The following ADAM29 variants were observed in gnomAD, a reference collection of about 807,000 sequenced individuals.
The protein encoded by ADAM29 is ADAM metallopeptidase domain 29.
For missense variants in ADAM29, 969 were observed against 1,001.8 expected, an observed-to-expected ratio of 0.97 and a Z score of 0.44; for synonymous variants, 367 against 342.3, an observed-to-expected ratio of 1.07 and a Z score of -0.80.
At chr4:174,944,314 G>A (rs1038323303) in intron 4 of ADAM29, among the ~76,000 whole-genome samples, 1 of 151,984 alleles carries the variant, frequency 6.6e-6, no homozygotes, top group African/African-American at 2.4e-5. Context: ...ATCCGAGTAG[G>A]AAGAAAGGAA....
intron 2 of ADAM29, among the ~76,000 whole-genome samples, chr4:174,925,009 T>C (rs1743418865): frequency 6.6e-6 from 1 of 152,192 alleles, no homozygotes; most frequent in South Asian, 2.1e-4. Context: ...CTTTGTGGCC[T>C]TCCAAATATG....
Position 174,961,119 on chromosome 4 carries a change from TA to T in ADAM29, c.-180-14222del, listed in dbSNP as rs538158685. 1.3e-4 allele frequency among the ~76,000 whole-genome samples: 20 copies of T among 152,208 alleles called. 1 individual carries two copies. The East Asian group carries it at 3.7e-3, about 28-fold the overall frequency. On this transcript the variant is annotated intron_variant, in intron 4 of 4. Coordinates refer to ENST00000359240, the MANE Select transcript of ADAM29 (RefSeq NM_014269.4). ...ATGAGGTGTTTCCTGATTCCAGAAT[TA>T]AAAATAAAAAATAATTATATCTTTA... is the stretch of plus-strand genomic sequence containing the variant.
intron 2 of ADAM29, among the ~76,000 whole-genome samples, chr4:174,929,471 T>A (rs1236092717): frequency 1.3e-5 from 2 of 151,424 alleles, no homozygotes; most frequent in African/African-American, 4.9e-5. Context: ...GTGAAAAAAA[T>A]GGAAAAGGGG....
At chr4:174,929,213 T>C (rs1227326233) in intron 2 of ADAM29, among the ~76,000 whole-genome samples, 1 of 152,230 alleles carries the variant, frequency 6.6e-6, no homozygotes, top group African/African-American at 2.4e-5. Context: ...TTACCTCTTC[T>C]GTGAGGTACA....
intron 4 of ADAM29, among the ~76,000 whole-genome samples, chr4:174,943,865 A>G (rs1464957666): frequency 1.3e-5 from 2 of 151,944 alleles, no homozygotes; most frequent in Non-Finnish European, 2.9e-5. Flanking sequence ...TAATAGTTTT[A>G]TTATAATAAT....
chr4:174,952,664 G>C (rs1371393641), intron 4 of ADAM29, among the ~76,000 whole-genome samples: 2 of 152,086 alleles, frequency 1.3e-5, no homozygotes, highest in Non-Finnish European at 2.9e-5. Flanking sequence ...AAAATGATGA[G>C]AATATGTAAA....
Position 174,977,970 on chromosome 4 carries a change from T to C in ADAM29, c.2445T>C (p.Pro815=), listed in dbSNP as rs1747005641. The C allele has an allele frequency of 1.9e-6, 3 of 1,593,206 alleles. No homozygotes were observed. The South Asian group carries it at 3.4e-5, about 18-fold the overall frequency. The stretch of plus-strand genomic sequence containing the variant: ...AGTTGATGCCTTCCCAGAGTCAACC[T>C]CCTGTGACGCCCTCCTAGAGCCAAC... ...QPQLMPSQSQ[P]PVTPS The change falls in exon 5 of 5, where the codon CCT becomes CCC. Residue 815 remains proline, a synonymous_variant. Coordinates refer to ENST00000359240, the MANE Select transcript of ADAM29 (RefSeq NM_014269.4).
At chr4:174,930,620 T>C (rs182638968) in intron 2 of ADAM29, among the ~76,000 whole-genome samples, 17 of 152,320 alleles carry the variant, frequency 1.1e-4, no homozygotes, top group Admixed American at 1.0e-3. Flanking sequence ...TAACTATGTC[T>C]TTTTTCCTTC....
intron 4 of ADAM29, among the ~76,000 whole-genome samples, chr4:174,957,972 T>G (rs996506686): frequency 3.3e-5 from 5 of 151,842 alleles, no homozygotes; most frequent in Admixed American, 1.3e-4. Flanking sequence ...TTCTGAGTAT[T>G]TGGAGATTTT....
chr4:174,926,721 CAAA>C (rs34308315), intron 2 of ADAM29, among the ~76,000 whole-genome samples: 4 of 107,608 alleles, frequency 3.7e-5, no homozygotes, highest in African/African-American at 3.1e-5. Context: ...AGACCATGTC[CAAA>C]AAAAAAAAAA....
At chr4:174,967,284 T>C (rs966785730) in intron 4 of ADAM29, among the ~76,000 whole-genome samples, 24 of 152,142 alleles carry the variant, frequency 1.6e-4, no homozygotes, top group Admixed American at 9.2e-4. Flanking sequence ...ATCTCAATCA[T>C]TGAGGTAACA....
chr4:174,970,000 C>T (rs1039709805), intron 4 of ADAM29, among the ~76,000 whole-genome samples: 1 of 152,004 alleles, frequency 6.6e-6, no homozygotes, highest in African/African-American at 2.4e-5. Context: ...TAGAAGGCAC[C>T]TGTCTCCACA....
At chr4:174,935,531 G>GT (rs919537837) in intron 3 of ADAM29, among the ~76,000 whole-genome samples, 13 of 151,898 alleles carry the variant, frequency 8.6e-5, no homozygotes, top group African/African-American at 3.1e-4. Context: ...TGTTTATTTT[G>GT]TTTTTTGTTT....
At chr4:174,924,191 C>T (rs1385362765) in intron 2 of ADAM29, among the ~76,000 whole-genome samples, 1 of 152,114 alleles carries the variant, frequency 6.6e-6, no homozygotes, top group Admixed American at 6.5e-5. Flanking sequence ...ATCTGACAGA[C>T]ATGTCATCAA....
chr4:174,953,964 G>A (rs1050575552), intron 4 of ADAM29, among the ~76,000 whole-genome samples: 8 of 152,178 alleles, frequency 5.3e-5, no homozygotes, highest in Admixed American at 1.3e-4. Context: ...CTCCTGCCTC[G>A]GCCTCCCAAA....
intron 2 of ADAM29, among the ~76,000 whole-genome samples, chr4:174,925,257 G>T (rs1010704034): frequency 1.3e-5 from 2 of 152,130 alleles, no homozygotes; most frequent in African/African-American, 4.8e-5. Context: ...ATTTAATAAC[G>T]AGGTGTTAAT....
chr4:174,964,805 T>G (rs1191626169), intron 4 of ADAM29, among the ~76,000 whole-genome samples: 2 of 152,122 alleles, frequency 1.3e-5, no homozygotes, highest in African/African-American at 4.8e-5. Context: ...CACAAGATTA[T>G]GGGTACCTTA....
chr4:174,927,796 G>T (rs1743606890), intron 2 of ADAM29, among the ~76,000 whole-genome samples: 1 of 152,142 alleles, frequency 6.6e-6, no homozygotes, highest in Non-Finnish European at 1.5e-5. Flanking sequence ...TGGGAGTGGG[G>T]TTTCAGGATA....
chr4:174,929,983 C>A (rs1457707149), intron 2 of ADAM29, among the ~76,000 whole-genome samples: 2 of 152,154 alleles, frequency 1.3e-5, no homozygotes, highest in Non-Finnish European at 2.9e-5. Flanking sequence ...GGCTGGAGTG[C>A]AGTGGCCTGA....
Sources: allele counts gnomAD v4.1 joint callset (sites outside exome capture counted in the v4.1 genomes callset), GRCh38; gene constraint gnomAD v4.1.1; transcripts MANE v1.5; gene names NCBI Gene and HGNC (gene_info 2026-07-23, HGNC 2026-07-21).